Variants in RBFOX1 observed in about 807,000 individuals in gnomAD.
RBFOX1 encodes the protein RNA binding protein fox-1 homolog 1.
Under a neutral mutation model 57.7 loss-of-function variants are expected in RBFOX1, and 8 were observed. That is an observed-to-expected ratio of 0.14 (90% confidence interval 0.08 to 0.25). RBFOX1 has a LOEUF of 0.25. Among genes scored for constraint, RBFOX1 ranks in the 10% least tolerant of loss-of-function variants. The pLI, the probability that RBFOX1 is intolerant of heterozygous loss-of-function variation, is 1.00. For synonymous variants in RBFOX1, 326 were observed against 222.4 expected (o/e 1.47, Z -4.15); for missense variants, 611 against 548.5 (o/e 1.11, Z -1.14).
In RBFOX1 at chr16:6,570,603, C is replaced by A. The variant is rs543523807; in HGVS notation, c.-63-84000C>A. ...AGCATGTTTTATTGTTTATCTGTAT[C>A]TCTAGCTTTTTTTAACAGCATATAA... On this transcript the variant is annotated intron_variant, in intron 2 of 15. Coordinates refer to ENST00000550418, the MANE Select transcript of RBFOX1 (RefSeq NM_018723.4). 5.9e-5 allele frequency among the ~76,000 whole-genome samples: 9 copies of A among 152,090 alleles called. No individual in the cohort carries two copies. In the South Asian group the frequency reaches 1.9e-3, roughly 32 times the overall value.
At chr16:6,842,155 AAAATAAAT>A (rs57858897) in intron 3 of RBFOX1, among the ~76,000 whole-genome samples, 23,820 of 147,982 alleles carry the variant, frequency 0.16, 1,986 homozygotes, top group Non-Finnish European at 0.18. Context: ...AAAAAAATAA[AAAATAAAT>A]AAATAAATAA....
intron 15 of RBFOX1, 34 bp downstream of exon 15, chr16:7,709,165 C>A (rs1458468035): frequency 6.4e-7 from 1 of 1,558,414 alleles, no homozygotes; most frequent in South Asian, 1.1e-5. Context: ...CTCACTTCCT[C>A]CTGCCTCCCT....
chr16:7,449,741 GTTGTT>G (rs1272297267), intron 4 of RBFOX1, among the ~76,000 whole-genome samples: 1 of 113,920 alleles, frequency 8.8e-6, no homozygotes, highest in African/African-American at 3.2e-5. Context: ...GGGGGGGGGG[GTTGTT>G]TTGTTTTGTT....
Position 5,474,148 on chromosome 16 carries a change from T to C in RBFOX1, c.258+6894T>C, listed in dbSNP as rs547800334. Among the ~76,000 whole-genome samples the C allele has an allele frequency of 6.6e-5, 10 of 152,290 alleles. No homozygotes were observed. The South Asian group carries it at 2.1e-3, about 32-fold the overall frequency. ...AAAGCAAATAAGAATTTCTTTGGCA[T>C]TACTCCATCTTGGATTATTCAAACC... On this transcript the variant is annotated intron_variant, in intron 2 of 2. Transcript: ENST00000585867.
intron 2 of RBFOX1, among the ~76,000 whole-genome samples, chr16:6,572,973 C>T (rs1438783722): frequency 1.3e-5 from 2 of 152,148 alleles, no homozygotes; most frequent in Non-Finnish European, 2.9e-5. Context: ...AATACCTTCC[C>T]TCGGGGACCT....
At chr16:7,036,710 C>T (rs1317628180) in intron 3 of RBFOX1, among the ~76,000 whole-genome samples, 4 of 128,102 alleles carry the variant, frequency 3.1e-5, no homozygotes, top group Admixed American at 8.1e-5. Context: ...AACAAACAAA[C>T]AAAAAAAACA....
chr16:6,758,509 C>T (rs965979737), intron 3 of RBFOX1, among the ~76,000 whole-genome samples: 1 of 152,016 alleles, frequency 6.6e-6, no homozygotes, highest in Admixed American at 6.6e-5. Context: ...AGAGTCCAGC[C>T]TAGAATACAT....
intron 2 of RBFOX1, among the ~76,000 whole-genome samples, chr16:6,497,764 C>G (rs1363391790): frequency 2.6e-5 from 4 of 151,906 alleles, no homozygotes; most frequent in Non-Finnish European, 5.9e-5. Context: ...ACCATATTAG[C>G]CAGGCTGACC....
intron 3 of RBFOX1, among the ~76,000 whole-genome samples, chr16:7,051,238 C>T (rs1000066712): frequency 6.6e-6 from 1 of 152,034 alleles, no homozygotes; most frequent in Non-Finnish European, 1.5e-5. Context: ...ACAGAATGAC[C>T]ATATATCTCA....
intron 3 of RBFOX1, among the ~76,000 whole-genome samples, chr16:5,708,666 C>T (rs1247219274): frequency 2.0e-5 from 3 of 152,184 alleles, no homozygotes; most frequent in Non-Finnish European, 4.4e-5. Context: ...TACCTGTTTA[C>T]TGCACAACAC....
chr16:6,350,944 CT>C (rs2086245889), intron 2 of RBFOX1, among the ~76,000 whole-genome samples: 1 of 152,200 alleles, frequency 6.6e-6, no homozygotes, highest in African/African-American at 2.4e-5. Flanking sequence ...GCACCTGGTC[CT>C]CACCACGAAA....
intron 4 of RBFOX1, among the ~76,000 whole-genome samples, chr16:7,218,679 TGTC>T (rs1414672127): frequency 1.1e-4 from 16 of 145,710 alleles, no homozygotes; most frequent in Non-Finnish European, 2.1e-4. Flanking sequence ...TGTGTGTGTG[TGTC>T]CTTTTGTTCC....
chr16:6,457,421 CTG>C (rs1442616804), intron 2 of RBFOX1, among the ~76,000 whole-genome samples: 2 of 123,466 alleles, frequency 1.6e-5, no homozygotes, highest in African/African-American at 3.2e-5. Flanking sequence ...TTTCTGGTGA[CTG>C]TGAATTTCCG....
chr16:6,960,999 C>T (rs1011386647), intron 3 of RBFOX1, among the ~76,000 whole-genome samples: 36 of 142,200 alleles, frequency 2.5e-4, no homozygotes, highest in African/African-American at 9.0e-4. Flanking sequence ...AAAAAATTAG[C>T]TGGGCATGGT....
intron 3 of RBFOX1, among the ~76,000 whole-genome samples, chr16:7,051,764 A>G (rs541977484): frequency 6.6e-6 from 1 of 152,232 alleles, no homozygotes; most frequent in African/African-American, 2.4e-5. Flanking sequence ...GAGTTTCATG[A>G]CAAGAGGGGA....
Position 5,429,155 on chromosome 16 carries a change from C to G in RBFOX1, c.220-38061C>G, listed in dbSNP as rs78352226. 7.4e-3 allele frequency among the ~76,000 whole-genome samples: 1,124 copies of G among 152,236 alleles called. 17 individuals carry two copies. Among genetic ancestry groups the G allele is most frequent in the African/African-American group, 0.025 (1,034 of 41,528 alleles). On this transcript the variant is annotated intron_variant, in intron 1 of 2. Transcript: ENST00000585867. ...ACTCAGCCCTGCAGTGTTTTCTTTT[C>G]ACTCTGTTAAGTCCCTTCCAGCCAG...
In RBFOX1 at chr16:7,641,841, A is replaced by G. The variant is rs142404624; in HGVS notation, c.757+11158A>G. Among the ~76,000 whole-genome samples, 830 of 152,290 alleles carry G rather than the reference A, an allele frequency of 5.5e-3. 7 individuals are homozygous for G. Among genetic ancestry groups the G allele is most frequent in the African/African-American group, 0.019 (783 of 41,554 alleles). On this transcript the variant is annotated intron_variant, in intron 11 of 15. Coordinates refer to ENST00000550418, the MANE Select transcript of RBFOX1 (RefSeq NM_018723.4). ...AATAGCCATGACTACCTACCTACCC[A>G]TGAGCACTAAATGAGATTGTTGTGC...
chr16:7,272,775 C>G lies in RBFOX1; in HGVS notation c.27+220677C>G, dbSNP rs148356327. On this transcript the variant is annotated intron_variant, in intron 4 of 15. Coordinates refer to ENST00000550418, the MANE Select transcript of RBFOX1 (RefSeq NM_018723.4). ...GAAACCTCTGAGGAGCATTCTCTTG[C>G]TTTGTATTCTTTTCACAGAACCAGT... is the stretch of plus-strand genomic sequence containing the variant. Among the ~76,000 whole-genome samples, 7 of 152,212 alleles carry G rather than the reference C, an allele frequency of 4.6e-5. No individual in the cohort carries two copies. The East Asian group carries it at 9.7e-4, about 21-fold the overall frequency.
chr16:7,033,369 A>C (rs748787868), intron 3 of RBFOX1, among the ~76,000 whole-genome samples: 3 of 152,124 alleles, frequency 2.0e-5, no homozygotes, highest in Non-Finnish European at 4.4e-5. Flanking sequence ...AAAATACAAA[A>C]ATTAGCCAGA....
Sources: allele counts gnomAD v4.1 joint callset (sites outside exome capture counted in the v4.1 genomes callset), GRCh38; gene constraint gnomAD v4.1.1; transcripts MANE v1.5; gene names NCBI Gene and HGNC (gene_info 2026-07-23, HGNC 2026-07-21).